The following ADAM19 variants were observed in gnomAD, a reference collection of about 807,000 sequenced individuals.
ADAM19 encodes the protein ADAM metallopeptidase domain 19.
ADAM19 carries 65 observed loss-of-function variants against 114.7 expected under a neutral mutation model. The ratio of observed to expected loss-of-function variants is 0.57; its 90% CI spans 0.46 to 0.70. ADAM19 has a LOEUF of 0.70. Among genes scored for constraint, ADAM19 ranks in the 30% least tolerant of loss-of-function variants. The pLI is 0.00. For missense variants in ADAM19, 1,063 were observed against 1,204.7 expected, an observed-to-expected ratio of 0.88 and a Z score of 1.74; for synonymous variants, 466 against 460.5, an observed-to-expected ratio of 1.01 and a Z score of -0.15.
At chr5:157,533,113 A>C (rs2113758304) in intron 4 of ADAM19, among the ~76,000 whole-genome samples, 1 of 152,292 alleles carries the variant, frequency 6.6e-6, no homozygotes, top group Non-Finnish European at 1.5e-5. Context: ...CCAGCCAGCC[A>C]TGCAGCCAGA....
At chr5:157,537,888 T>C in intron 4 of ADAM19, 25 bp downstream of exon 4, 3 of 1,599,122 alleles carry the variant, frequency 1.9e-6, no homozygotes, top group Middle Eastern at 1.7e-4. Context: ...AGCTGCTGGA[T>C]AGACATTTGT....
chr5:157,493,172 G>C lies in ADAM19; in HGVS notation c.1709C>G (p.Ala570Gly), dbSNP rs553414033. ...CTGACACTGGATCTTCCCACACTTCGCATCTCTGGGCACAAGAGACAGAGA... is the reference window on the plus strand; with the variant it reads ...CTGACACTGGATCTTCCCACACTTCCCATCTCTGGGCACAAGAGACAGAGA... ...GEHRKCNMRD[A>G]KCGKIQCQSS... is the part of the protein sequence containing the mutation. The change falls in exon 16 of 23, where the codon GCG becomes GGG. Residue 570 changes from alanine (A) to glycine (G), a missense_variant. Ala to Gly is a moderately conservative substitution (Grantham distance 60, BLOSUM62 0). Around this residue, in one of 3 missense-constraint regions of ADAM19, gnomAD observed 24 missense variants for 53.0 expected, o/e 0.45. Transcript: ENST00000257527. 1.2e-6 allele frequency: 2 copies of C among 1,613,296 alleles called. No individual in the cohort carries two copies. The highest frequency in any genetic ancestry group is 2.7e-5 in the African/African-American group (2 of 75,042).
At position 157,575,666 on chromosome 5, in the gene ADAM19, A is replaced by AGAGCCG; in HGVS notation, c.25_30dup (p.Arg9_Leu10dup). The AGAGCCG allele has an allele frequency of 7.3e-7, 1 of 1,369,208 alleles. No individual in the cohort carries two copies. 84.8% of individuals were successfully genotyped at this position (1,369,208 alleles called of 1,614,324 possible). A position where few individuals can be genotyped will look rare whatever the true frequency, so the allele number is the denominator to read the frequency against. On this transcript the variant is annotated inframe_insertion, in exon 1 of 23. Coordinates refer to ENST00000257527, the MANE Select transcript of ADAM19 (RefSeq NM_033274.5). ...GGCTGCAGGGCAAACGCCAGCAAGCAGAGCCGGGCGGCGCCTGCGCCCCCT... is the reference window on the plus strand; with the variant it reads ...GGCTGCAGGGCAAACGCCAGCAAGCAGAGCCGGAGCCGGGCGGCGCCTGCGCCCCCT...
chr5:157,535,686 C>T lies in ADAM19; in HGVS notation c.330+2227G>A, dbSNP rs372212037. Among the ~76,000 whole-genome samples the T allele has an allele frequency of 5.9e-5, 9 of 152,254 alleles. No homozygotes were observed. The East Asian group carries it at 1.7e-3, about 29-fold the overall frequency. ...GCCCTTACAACATCTCTGCCTAATG[C>T]ACAAGCAGAGAGCACAAAGAACAAG... On this transcript the variant is annotated intron_variant, in intron 4 of 22. Coordinates refer to ENST00000257527, the MANE Select transcript of ADAM19 (RefSeq NM_033274.5).
chr5:157,489,301 T>G (rs1462441201), intron 19 of ADAM19, 115 bp from the exon 20 acceptor site: 5 of 746,284 alleles, frequency 6.7e-6, no homozygotes, highest in Non-Finnish European at 1.2e-5. Context: ...TTCCCAAGTC[T>G]GCTCTGGAGG....
At chr5:157,558,303 A>C (rs1757419355) in intron 3 of ADAM19, among the ~76,000 whole-genome samples, 1 of 152,164 alleles carries the variant, frequency 6.6e-6, no homozygotes, top group Non-Finnish European at 1.5e-5. Flanking sequence ...TTTCCTCAGC[A>C]CCTGTCTCCC....
rs559727344 is a variant in ADAM19, at chr5:157,507,223, G to A, written c.906-83C>T. 3.6e-5 allele frequency: 50 copies of A among 1,381,890 alleles called. No homozygotes were observed. The East Asian group carries it at 7.7e-4, about 21-fold the overall frequency. The allele number at this position is 1,381,890 out of a possible 1,614,324, so 85.6% of individuals were successfully genotyped here. ...GTGCCTGGGAGTAAGTGGCCATCAC[G>A]GGGTTCCCTGGACCCGCTGACTTTC... On this transcript the variant is annotated intron_variant, in intron 9 of 22. Transcript: ENST00000257527.
At position 157,480,902 on chromosome 5, in the gene ADAM19, G is replaced by A. The variant is rs769898432; in HGVS notation, c.*47C>T. The A allele has an allele frequency of 6.2e-7, 1 of 1,613,674 alleles. No individual in the cohort carries two copies. The highest frequency in any genetic ancestry group is 8.5e-7 in the Non-Finnish European group (1 of 1,179,804). Reference sequence around the variant, plus strand: ...AGGGTTCCATGGCCATGGGTCCTCTGCAGTGTCCAGAGAGCTCAAGGAAAG... The same window carrying A: ...AGGGTTCCATGGCCATGGGTCCTCTACAGTGTCCAGAGAGCTCAAGGAAAG... On this transcript the variant is annotated 3_prime_UTR_variant, in exon 23 of 23. Transcript: ENST00000257527.
chr5:157,532,765 T>C (rs2113757894), intron 4 of ADAM19, among the ~76,000 whole-genome samples: 1 of 152,278 alleles, frequency 6.6e-6, no homozygotes, highest in South Asian at 2.1e-4. Context: ...GTGTCTGTAT[T>C]CTCTGGCTCC....
At position 157,493,111 on chromosome 5, in the gene ADAM19, C is replaced by T; in HGVS notation, c.1770G>A (p.Val590=). The change falls in exon 16 of 23, where the codon GTG becomes GTA. Residue 590 remains valine, a synonymous_variant. Coordinates refer to ENST00000257527, the MANE Select transcript of ADAM19 (RefSeq NM_033274.5). ...TCATGATGATAGTGGTGTCAATGGG[C>T]ACCGCGTTGGACTCCAGGGGCCGGG... is the stretch of plus-strand genomic sequence containing the variant. ...SEARPLESNA[V]PIDTTIIMNG... is the part of the protein sequence containing the mutation. 6.2e-7 allele frequency: 1 copy of T among 1,614,236 alleles called. No individual in the cohort carries two copies. Among genetic ancestry groups the T allele is most frequent in the Non-Finnish European group, 8.5e-7 (1 of 1,180,040 alleles).
At chr5:157,532,150 CTG>C (rs764248456) in intron 4 of ADAM19, among the ~76,000 whole-genome samples, 14 of 152,126 alleles carry the variant, frequency 9.2e-5, no homozygotes, top group Non-Finnish European at 1.5e-4. Flanking sequence ...TCTCCAGCCA[CTG>C]TGTCTCATGG....
chr5:157,491,694 G>T lies in ADAM19; in HGVS notation c.2016C>A (p.Cys672Ter). ...AGAAGGGCGGGGCCCAGCCCGGCAGGCAGTGGCAGTTCTGGTTGTTGTTAC... is the reference window on the plus strand; with the variant it reads ...AGAAGGGCGGGGCCCAGCCCGGCAGTCAGTGGCAGTTCTGGTTGTTGTTAC... Reference protein sequence around the residue: ...GVCNNNQNCHCLPGWAPPFCN... With the variant: ...GVCNNNQNCH The change falls in exon 18 of 23, where the codon TGC becomes TGA. Residue 672 changes from cysteine to a stop codon, truncating the protein, a stop_gained. Transcript: ENST00000257527. LOFTEE classifies it high-confidence loss of function. The T allele has an allele frequency of 6.3e-7, 1 of 1,586,914 alleles. No homozygotes were observed. Among genetic ancestry groups the T allele is most frequent in the Non-Finnish European group, 8.6e-7 (1 of 1,165,118 alleles).
intron 3 of ADAM19, among the ~76,000 whole-genome samples, chr5:157,545,261 T>G (rs1757017265): frequency 1.3e-5 from 2 of 152,198 alleles, no homozygotes; most frequent in African/African-American, 2.4e-5. Context: ...CTGCCCAGCA[T>G]CCATGCCACC....
chr5:157,553,400 T>C (rs1191667192), intron 3 of ADAM19, among the ~76,000 whole-genome samples: 4 of 152,080 alleles, frequency 2.6e-5, no homozygotes, highest in African/African-American at 7.2e-5. Flanking sequence ...TAAGTAAAAA[T>C]AGAACTTCTA....
At chr5:157,567,800 CAA>C (rs112813107) in intron 2 of ADAM19, among the ~76,000 whole-genome samples, 14 of 137,634 alleles carry the variant, frequency 1.0e-4, no homozygotes, top group African/African-American at 1.6e-4. Flanking sequence ...TCCGTCTAAA[CAA>C]AAAAAAAAAA....
chr5:157,564,394 A>T lies in ADAM19; in HGVS notation c.230T>A (p.Ile77Asn). 1 of 1,614,194 alleles carries T rather than the reference A, an allele frequency of 6.2e-7. No homozygotes were observed. Among genetic ancestry groups the T allele is most frequent in the Non-Finnish European group, 8.5e-7 (1 of 1,180,024 alleles). ...TTACTCATTCTTCTCCAGGTCCAGGATCAGTTCTCGCCCCTCAGCCATTAC... is the reference window on the plus strand; with the variant it reads ...TTACTCATTCTTCTCCAGGTCCAGGTTCAGTTCTCGCCCCTCAGCCATTAC... ...LRVMAEGREL[I>N]LDLEKNEQLF... The change falls in exon 3 of 23, where the codon ATC becomes AAC. Residue 77 changes from isoleucine to asparagine, a missense_variant. Physicochemically the swap from Ile to Asn is moderately radical, Grantham distance 149. Around this residue, in one of 3 missense-constraint regions of ADAM19, gnomAD observed 615 missense variants for 706.3 expected, o/e 0.87. Coordinates refer to ENST00000257527, the MANE Select transcript of ADAM19 (RefSeq NM_033274.5).
intron 4 of ADAM19, among the ~76,000 whole-genome samples, chr5:157,537,490 G>T (rs11134803): frequency 0.047 from 7,135 of 152,238 alleles, 232 homozygotes; most frequent in Middle Eastern, 0.095. Context: ...AAATGTATAT[G>T]CACAGTGATT....
At chr5:157,529,059 T>C (rs1395648857) in intron 5 of ADAM19, among the ~76,000 whole-genome samples, 3 of 152,200 alleles carry the variant, frequency 2.0e-5, no homozygotes, top group Admixed American at 1.3e-4. Flanking sequence ...TTCAATAACA[T>C]CACATCGGTA....
intron 2 of ADAM19, chr5:157,568,429 C>A (rs1757729168): frequency 6.6e-6 from 1 of 152,202 alleles, no homozygotes; most frequent in Admixed American, 6.5e-5. Context: ...ATCTATGAAG[C>A]TTTTCTGTCC....
Sources: allele counts gnomAD v4.1 joint callset (sites outside exome capture counted in the v4.1 genomes callset), GRCh38; gene constraint gnomAD v4.1.1; regional missense constraint gnomAD v4.1.1; transcripts MANE v1.5; gene names NCBI Gene and HGNC (gene_info 2026-07-23, HGNC 2026-07-21).